The following ALK variants were observed in gnomAD, a reference collection of about 807,000 sequenced individuals.
ALK encodes the protein ALK tyrosine kinase receptor.
A neutral mutation model predicts 163.1 loss-of-function variants in ALK; 74 were observed. The ratio of observed to expected loss-of-function variants is 0.45; its 90% confidence interval spans 0.38 to 0.55. The LOEUF (loss-of-function observed/expected upper bound fraction) is 0.55. Among genes scored for constraint, ALK ranks in the 20% least tolerant of loss-of-function variants. The probability of loss-of-function intolerance (pLI) is 0.00; values close to 1 mark genes in which losing one functional copy is unlikely to be tolerated. For missense variants in ALK, 2,063 were observed against 2,105.3 expected (o/e 0.98, Z 0.39); for synonymous variants, 960 against 843.2 (o/e 1.14, Z -2.40).
intron 1 of ALK, among the ~76,000 whole-genome samples, chr2:29,768,326 G>C (rs533258743): frequency 6.6e-6 from 1 of 152,344 alleles, no homozygotes; most frequent in East Asian, 1.9e-4. Context: ...ACTTCAGGGA[G>C]AGCTGATGGC....
At position 29,594,766 on chromosome 2, in the gene ALK, G is replaced by A. The variant is rs544591966; in HGVS notation, c.953-62650C>T. Among the ~76,000 whole-genome samples the A allele has an allele frequency of 1.3e-4, 20 of 151,998 alleles. No individual in the cohort carries two copies. In the South Asian group the frequency reaches 4.2e-3, roughly 32 times the overall value. On this transcript the variant is annotated intron_variant, in intron 3 of 28. Transcript: ENST00000389048. ...TTTTGAAGAGCCAGTTGTTAAACAT[G>A]CCCTAGCTCACTACTGGAGAAATGG...
chr2:29,619,299 G>T (rs895969972), intron 3 of ALK, among the ~76,000 whole-genome samples: 1 of 152,240 alleles, frequency 6.6e-6, no homozygotes, highest in African/African-American at 2.4e-5. Context: ...CTTGAGATGT[G>T]CCTTAACCTC....
chr2:29,895,502 C>T (rs571695027), intron 1 of ALK, among the ~76,000 whole-genome samples: 36 of 152,300 alleles, frequency 2.4e-4, no homozygotes, highest in African/African-American at 7.9e-4. Flanking sequence ...TGGTCTGTGG[C>T]TGTGAGCCTG....
intron 9 of ALK, 118 bp from the exon 10 acceptor site, chr2:29,275,614 C>T (rs550553138): frequency 3.6e-5 from 36 of 1,012,422 alleles, no homozygotes; most frequent in Non-Finnish European, 4.8e-5. Context: ...GAAAAAGGCT[C>T]GCTAATCCCA....
intron 4 of ALK, among the ~76,000 whole-genome samples, chr2:29,521,029 A>G (rs1485998918): frequency 6.6e-6 from 1 of 152,192 alleles, no homozygotes; most frequent in Non-Finnish European, 1.5e-5. Context: ...TGAACAGCAC[A>G]ATGCAAAATA....
At chr2:29,299,158 T>C (rs1573205629) in intron 8 of ALK, among the ~76,000 whole-genome samples, 2 of 152,204 alleles carry the variant, frequency 1.3e-5, no homozygotes, top group East Asian at 1.9e-4. Context: ...AGAGTACCCA[T>C]GTCCTTTATA....
At position 29,613,133 on chromosome 2, in the gene ALK, T is replaced by A. The variant is rs1675742139; in HGVS notation, c.953-81017A>T. On this transcript the variant is annotated intron_variant, in intron 3 of 28. Coordinates refer to ENST00000389048, the MANE Select transcript of ALK (RefSeq NM_004304.5). ...AATCCCCAAACTAATTGTTTACTCATAAGTGTTCTGTCATGATTGTGGTCA... is the reference window on the plus strand; with the variant it reads ...AATCCCCAAACTAATTGTTTACTCAAAAGTGTTCTGTCATGATTGTGGTCA... Among the ~76,000 whole-genome samples the A allele has an allele frequency of 2.0e-5, 3 of 152,232 alleles. No individual in the cohort carries two copies. In the South Asian group the frequency reaches 6.2e-4, roughly 31 times the overall value.
intron 1 of ALK, among the ~76,000 whole-genome samples, chr2:29,804,547 T>A (rs1664561247): frequency 6.6e-6 from 1 of 152,228 alleles, no homozygotes; most frequent in Admixed American, 6.5e-5. Flanking sequence ...TCAGAGAGGT[T>A]ATCGAGCCAT....
intron 1 of ALK, among the ~76,000 whole-genome samples, chr2:29,728,213 C>T (rs993368825): frequency 6.6e-6 from 1 of 152,208 alleles, no homozygotes; most frequent in Admixed American, 6.5e-5. Flanking sequence ...ATAGTCATTG[C>T]CCCACAAATC....
chr2:29,615,220 T>C (rs1216461510), intron 3 of ALK, among the ~76,000 whole-genome samples: 2 of 152,204 alleles, frequency 1.3e-5, no homozygotes, highest in African/African-American at 4.8e-5. Flanking sequence ...ACATGATATT[T>C]ACTCTTCCAG....
At chr2:29,688,040 C>T (rs927343159) in intron 3 of ALK, among the ~76,000 whole-genome samples, 3 of 152,184 alleles carry the variant, frequency 2.0e-5, no homozygotes, top group African/African-American at 4.8e-5. Flanking sequence ...AGATATATCT[C>T]GACTTTGGAG....
chr2:29,815,635 G>T lies in ALK; in HGVS notation c.668-97938C>A, dbSNP rs181614898. On this transcript the variant is annotated intron_variant, in intron 1 of 28. Transcript: ENST00000389048. ...GTTGCCTGGAATCAACTGTTTTAAT[G>T]AATAATATTAAGGTAGTAGTGACAT... Among the ~76,000 whole-genome samples, 37 of 152,248 alleles carry T rather than the reference G, an allele frequency of 2.4e-4. No individual in the cohort carries two copies. The East Asian group carries it at 6.8e-3, about 28-fold the overall frequency.
chr2:29,691,911 T>C (rs1678409378), intron 3 of ALK, among the ~76,000 whole-genome samples: 1 of 152,210 alleles, frequency 6.6e-6, no homozygotes, highest in South Asian at 2.1e-4. Flanking sequence ...TGTCCCTGTC[T>C]CTTGATCTCA....
chr2:29,335,113 T>C (rs55714278), intron 5 of ALK, among the ~76,000 whole-genome samples: 29,811 of 152,054 alleles, frequency 0.2, 3,507 homozygotes, highest in African/African-American at 0.33. Context: ...TGTTTCCCAT[T>C]GACACTTCTG....
At chr2:29,704,477 T>C (rs923558450) in intron 2 of ALK, among the ~76,000 whole-genome samples, 4 of 152,240 alleles carry the variant, frequency 2.6e-5, no homozygotes, top group Non-Finnish European at 4.4e-5. Flanking sequence ...ATCCTGTGAT[T>C]GTTATTATTA....
intron 3 of ALK, among the ~76,000 whole-genome samples, chr2:29,540,538 A>G (rs548568776): frequency 2.7e-5 from 4 of 148,902 alleles, no homozygotes; most frequent in South Asian, 4.2e-4. Flanking sequence ...TCATACCATT[A>G]TTTGTCTTTG....
chr2:29,893,213 T>C (rs894935027), intron 1 of ALK, among the ~76,000 whole-genome samples: 9 of 152,174 alleles, frequency 5.9e-5, no homozygotes, highest in Non-Finnish European at 1.2e-4. Flanking sequence ...CAGAAAAAGA[T>C]TGCTCCATTT....
At chr2:29,637,443 G>A (rs1676568284) in intron 3 of ALK, among the ~76,000 whole-genome samples, 1 of 152,118 alleles carries the variant, frequency 6.6e-6, no homozygotes, top group African/African-American at 2.4e-5. Flanking sequence ...TGATGAGAGA[G>A]GAGGGAAGTG....
chr2:29,569,199 G>C (rs192425145), intron 3 of ALK, among the ~76,000 whole-genome samples: 24 of 152,228 alleles, frequency 1.6e-4, no homozygotes, highest in African/African-American at 4.6e-4. Context: ...CATCCTGCCC[G>C]TCTCAAGGAA....
Sources: gnomAD v4.1 joint callset for allele counts (sites outside exome capture counted in the v4.1 genomes callset) on GRCh38, gnomAD v4.1.1 for gene constraint, MANE v1.5 for transcripts, NCBI Gene and HGNC (gene_info 2026-07-23, HGNC 2026-07-21) for gene names.